KAZN: variants seen among roughly 807,000 people sequenced by gnomAD.
KAZN encodes the protein kazrin.
A neutral mutation model predicts 87.4 loss-of-function variants in KAZN; 40 were observed. That is an observed-to-expected ratio of 0.46 (90% CI 0.36 to 0.60). The LOEUF (loss-of-function observed/expected upper bound fraction) is 0.60. Ranked by LOEUF, KAZN falls within the 20% of genes least tolerant of loss-of-function variation. The probability of loss-of-function intolerance (pLI) is 0.00; values close to 1 mark genes in which losing one functional copy is unlikely to be tolerated. For synonymous variants in KAZN, 466 were observed against 458.3 expected (o/e 1.02, Z -0.22); for missense variants, 898 against 1,073.9 (o/e 0.84, Z 2.29).
At chr1:14,989,058 T>C (rs1330228400) in intron 2 of KAZN, among the ~76,000 whole-genome samples, 1 of 152,244 alleles carries the variant, frequency 6.6e-6, no homozygotes, top group Non-Finnish European at 1.5e-5. Context: ...TGGTTCTGTC[T>C]TGACATCTGG....
At chr1:14,473,963 T>G (rs1011480054) in intron 2 of KAZN, among the ~76,000 whole-genome samples, 1 of 152,234 alleles carries the variant, frequency 6.6e-6, no homozygotes, top group African/African-American at 2.4e-5. Context: ...TTGCCCTGTT[T>G]CCATCATTCC....
intron 1 of KAZN, among the ~76,000 whole-genome samples, chr1:14,055,578 T>G (rs56269346): frequency 0.17 from 26,026 of 152,082 alleles, 2,562 homozygotes; most frequent in Non-Finnish European, 0.23. Context: ...AGTGGAGGTT[T>G]CTCAGGCATC....
At chr1:14,420,454 G>T (rs1415366270) in intron 2 of KAZN, among the ~76,000 whole-genome samples, 1 of 152,198 alleles carries the variant, frequency 6.6e-6, no homozygotes, top group Non-Finnish European at 1.5e-5. Context: ...GGAGCCACGG[G>T]GGGAGCTGCC....
At chr1:14,416,305 T>TG (rs1173971377) in intron 2 of KAZN, among the ~76,000 whole-genome samples, 2 of 152,192 alleles carry the variant, frequency 1.3e-5, no homozygotes, top group Non-Finnish European at 2.9e-5. Context: ...TTGGCACTGA[T>TG]GGATTGTTTG....
chr1:14,315,228 A>G (rs2100822769), intron 2 of KAZN, among the ~76,000 whole-genome samples: 1 of 152,222 alleles, frequency 6.6e-6, no homozygotes, highest in South Asian at 2.1e-4. Context: ...CCTTAAGGGA[A>G]GTTCCTTGTC....
chr1:14,022,396 A>G (rs945575969), intron 1 of KAZN, among the ~76,000 whole-genome samples: 4 of 151,198 alleles, frequency 2.6e-5, no homozygotes. Flanking sequence ...ATAAATGATA[A>G]CAATCTTGAT....
chr1:14,310,635 A>G (rs1329604931), intron 2 of KAZN, among the ~76,000 whole-genome samples: 1 of 152,194 alleles, frequency 6.6e-6, no homozygotes, highest in Non-Finnish European at 1.5e-5. Context: ...AACTTCTGCA[A>G]ATAAAAGATC....
chr1:14,399,607 G>A (rs866002619), intron 2 of KAZN, among the ~76,000 whole-genome samples: 5 of 152,182 alleles, frequency 3.3e-5, no homozygotes, highest in East Asian at 3.9e-4. Context: ...GTTTAGTCAC[G>A]TAACCATCTC....
intron 2 of KAZN, among the ~76,000 whole-genome samples, chr1:14,392,602 T>C (rs1306203241): frequency 6.6e-6 from 1 of 152,102 alleles, no homozygotes; most frequent in African/African-American, 2.4e-5. Context: ...GGCCACATCA[T>C]TCTTTGTTGT....
chr1:13,958,886 C>T (rs150399772), intron 1 of KAZN, among the ~76,000 whole-genome samples: 1,890 of 152,154 alleles, frequency 0.012, 35 homozygotes, highest in African/African-American at 0.043. Context: ...CTGCTCAGGT[C>T]CTTGGTAAGA....
chr1:14,399,587 C>T (rs1414394682), intron 2 of KAZN, among the ~76,000 whole-genome samples: 1 of 152,064 alleles, frequency 6.6e-6, no homozygotes. Context: ...CACCTGGGGG[C>T]GTGTACTGGG....
intron 2 of KAZN, among the ~76,000 whole-genome samples, chr1:15,000,524 G>A (rs1220366527): frequency 4.6e-5 from 7 of 151,682 alleles, no homozygotes; most frequent in Admixed American, 3.3e-4. Context: ...GGGTACAGAG[G>A]GTGTCGTGAG....
intron 1 of KAZN, among the ~76,000 whole-genome samples, chr1:13,975,654 A>G (rs1417028369): frequency 2.0e-5 from 3 of 152,228 alleles, no homozygotes; most frequent in Admixed American, 6.5e-5. Flanking sequence ...AATGAGCCAT[A>G]CATTTCCTTA....
chr1:14,036,399 G>T (rs1393899366), intron 1 of KAZN, among the ~76,000 whole-genome samples: 1 of 152,190 alleles, frequency 6.6e-6, no homozygotes, highest in Admixed American at 6.5e-5. Context: ...TGCACAGGCC[G>T]GGTGAAGGTG....
At chr1:14,033,039 C>T (rs1180245250) in intron 1 of KAZN, among the ~76,000 whole-genome samples, 1 of 152,162 alleles carries the variant, frequency 6.6e-6, no homozygotes, top group Non-Finnish European at 1.5e-5. Flanking sequence ...CTGCCCTGCT[C>T]CTCTGTCTGC....
intron 1 of KAZN, among the ~76,000 whole-genome samples, chr1:13,991,586 A>C (rs1639286254): frequency 1.3e-5 from 2 of 152,148 alleles, no homozygotes; most frequent in South Asian, 4.1e-4. Flanking sequence ...CTCTGTTTTT[A>C]ATATCCTAAT....
chr1:14,444,372 G>T (rs1171087904), intron 2 of KAZN, among the ~76,000 whole-genome samples: 1 of 144,200 alleles, frequency 6.9e-6, no homozygotes, highest in Non-Finnish European at 1.5e-5. Context: ...GAGTGCAATG[G>T]CACAATCTTG....
chr1:14,153,391 T>C (rs975664175), intron 1 of KAZN, among the ~76,000 whole-genome samples: 12 of 152,160 alleles, frequency 7.9e-5, no homozygotes, highest in Non-Finnish European at 1.6e-4. Context: ...GAGATAGGGA[T>C]CTAGTTTCAT....
intron 1 of KAZN, among the ~76,000 whole-genome samples, chr1:14,123,755 G>A (rs1405787603): frequency 6.6e-6 from 1 of 151,910 alleles, no homozygotes; most frequent in Non-Finnish European, 1.5e-5. Flanking sequence ...GACTTCTGAG[G>A]TGCCCTCCCT....
Sources: gnomAD v4.1 joint callset for allele counts (sites outside exome capture counted in the v4.1 genomes callset) on GRCh38, gnomAD v4.1.1 for gene constraint, MANE v1.5 for transcripts, NCBI Gene and HGNC (gene_info 2026-07-23, HGNC 2026-07-21) for gene names.